Variants in PANX1 observed in about 807,000 individuals in gnomAD.
PANX1 encodes pannexin-1.
Under a neutral mutation model 38.7 loss-of-function variants are expected in PANX1, and 30 were observed. That is an observed-to-expected ratio of 0.78 (90% CI 0.58 to 1.05). The LOEUF (loss-of-function observed/expected upper bound fraction) is 1.05. Among genes scored for constraint, PANX1 ranks in the 50% least tolerant of loss-of-function variants. The pLI, the probability that PANX1 is intolerant of heterozygous loss-of-function variation, is 0.00. For synonymous variants in PANX1, 230 were observed against 212.2 expected (o/e 1.08, Z -0.73); for missense variants, 551 against 517.2 (o/e 1.07, Z -0.63).
chr11:94,179,177 C>T (rs1947273008), intron 3 of PANX1, among the ~76,000 whole-genome samples: 1 of 152,222 alleles, frequency 6.6e-6, no homozygotes, highest in Admixed American at 6.5e-5. Context: ...ACCTCCTCCT[C>T]CACTTTTATT....
Position 94,143,345 on chromosome 11 carries a change from G to T in PANX1, c.182-10146G>T, listed in dbSNP as rs1366066225. 3.3e-5 allele frequency among the ~76,000 whole-genome samples: 5 copies of T among 152,192 alleles called. No homozygotes were observed. In the South Asian group the frequency reaches 8.3e-4, roughly 25 times the overall value. On this transcript the variant is annotated intron_variant, in intron 1 of 4. Coordinates refer to ENST00000227638, the MANE Select transcript of PANX1 (RefSeq NM_015368.4). Reference sequence around the variant, plus strand: ...CTCTAGTATTGTAGAGGATAAGACAGATGGGTAAACAAATAAATATGAAAT... The same window carrying T: ...CTCTAGTATTGTAGAGGATAAGACATATGGGTAAACAAATAAATATGAAAT...
At chr11:94,171,729 ATTT>A (rs1443747159) in intron 2 of PANX1, among the ~76,000 whole-genome samples, 1 of 151,290 alleles carries the variant, frequency 6.6e-6, no homozygotes, top group Non-Finnish European at 1.5e-5. Context: ...CAATGGTGTC[ATTT>A]TTCTCCAACC....
intron 2 of PANX1, among the ~76,000 whole-genome samples, chr11:94,173,706 C>G (rs750654036): frequency 6.6e-6 from 1 of 151,604 alleles, no homozygotes; most frequent in East Asian, 1.9e-4. Flanking sequence ...TGCCTGGTCT[C>G]TCTCCTTCCC....
At chr11:94,158,099 C>G (rs1264809720) in intron 2 of PANX1, among the ~76,000 whole-genome samples, 3 of 152,114 alleles carry the variant, frequency 2.0e-5, no homozygotes, top group Non-Finnish European at 4.4e-5. Context: ...TTCCATTGAT[C>G]TATATCTCTG....
rs1467680478 is a variant in PANX1 at position 94,169,568 on chromosome 11, G to C, written c.322-8801G>C. 3.3e-5 allele frequency among the ~76,000 whole-genome samples: 5 copies of C among 151,602 alleles called. 1 individual carries two copies. The highest frequency in any genetic ancestry group is 2.1e-4 in the South Asian group (1 of 4,830). ...TTAAGATGGGGTCTTACTGCAGTAG[G>C]GTGGGCCTTTAACTCAGTATGACTG... On this transcript the variant is annotated intron_variant, in intron 2 of 4. Transcript: ENST00000227638.
At chr11:94,164,011 T>C (rs752997374) in intron 2 of PANX1, among the ~76,000 whole-genome samples, 4 of 152,178 alleles carry the variant, frequency 2.6e-5, no homozygotes, top group African/African-American at 7.2e-5. Flanking sequence ...TTGCAATTTA[T>C]TGGCATATCG....
intron 1 of PANX1, among the ~76,000 whole-genome samples, chr11:94,147,687 C>T (rs1261820706): frequency 6.6e-6 from 1 of 152,148 alleles, no homozygotes. Context: ...TTCTGAGGCC[C>T]AGCAATGTGG....
intron 2 of PANX1, among the ~76,000 whole-genome samples, chr11:94,171,080 C>T (rs1947161092): frequency 6.6e-6 from 1 of 151,644 alleles, no homozygotes; most frequent in South Asian, 2.1e-4. Flanking sequence ...CCAGTCACCC[C>T]TCATTCATTC....
At chr11:94,160,573 G>C (rs932723337) in intron 2 of PANX1, among the ~76,000 whole-genome samples, 1 of 151,808 alleles carries the variant, frequency 6.6e-6, no homozygotes, top group South Asian at 2.1e-4. Flanking sequence ...TTTTCCATTT[G>C]CTTGCTAGAT....
intron 2 of PANX1, among the ~76,000 whole-genome samples, chr11:94,163,325 G>A (rs1947069782): frequency 6.6e-6 from 1 of 152,162 alleles, no homozygotes; most frequent in Non-Finnish European, 1.5e-5. Flanking sequence ...AAGGCTTTCA[G>A]TTTTTCCCCA....
chr11:94,177,673 T>G (rs1160602285), intron 2 of PANX1, among the ~76,000 whole-genome samples: 1 of 148,282 alleles, frequency 6.7e-6, no homozygotes, highest in Admixed American at 6.7e-5. Context: ...GAATCCCCTC[T>G]TGTTTGGTGT....
intron 2 of PANX1, among the ~76,000 whole-genome samples, chr11:94,160,298 C>T (rs1007246286): frequency 2.6e-5 from 4 of 152,080 alleles, no homozygotes; most frequent in African/African-American, 4.8e-5. Flanking sequence ...CTTTCTGTCT[C>T]GTTGCTCTGT....
At chr11:94,138,058 T>C (rs549280204) in intron 1 of PANX1, among the ~76,000 whole-genome samples, 1 of 151,950 alleles carries the variant, frequency 6.6e-6, no homozygotes, top group African/African-American at 2.4e-5. Context: ...AAGATCTCAG[T>C]ATTTCAAGTG....
intron 1 of PANX1, among the ~76,000 whole-genome samples, chr11:94,152,930 A>G (rs78240442): frequency 0.018 from 2,745 of 152,222 alleles, 87 homozygotes; most frequent in African/African-American, 0.063. Context: ...AATGTAAACC[A>G]GTTGGGCTGC....
chr11:94,178,342 C>T (rs756987233), intron 2 of PANX1, 27 bp from the exon 3 acceptor site: 4 of 1,564,782 alleles, frequency 2.6e-6, no homozygotes, highest in African/African-American at 1.4e-5. Flanking sequence ...GTTTGTTAAG[C>T]CCATGATTTG....
chr11:94,159,199 T>C (rs1039038936), intron 2 of PANX1, among the ~76,000 whole-genome samples: 7 of 149,590 alleles, frequency 4.7e-5, no homozygotes, highest in African/African-American at 1.5e-4. Context: ...GGGATATTGG[T>C]CTAAAGTTCT....
At chr11:94,163,318 G>A (rs1692897263) in intron 2 of PANX1, among the ~76,000 whole-genome samples, 2 of 152,158 alleles carry the variant, frequency 1.3e-5, no homozygotes, top group Non-Finnish European at 1.5e-5. Context: ...TAGAGGAAAG[G>A]CTTTCAGTTT....
intron 2 of PANX1, among the ~76,000 whole-genome samples, chr11:94,154,436 C>T (rs945999155): frequency 2.0e-5 from 3 of 152,182 alleles, no homozygotes; most frequent in Non-Finnish European, 4.4e-5. Flanking sequence ...TTCAGCCTGT[C>T]ATTAATTTCA....
At chr11:94,160,176 T>C (rs1280027988) in intron 2 of PANX1, among the ~76,000 whole-genome samples, 1 of 152,196 alleles carries the variant, frequency 6.6e-6, no homozygotes, top group African/African-American at 2.4e-5. Flanking sequence ...ATAAGTGCAG[T>C]GTGGTGCTGA....
Sources: allele counts gnomAD v4.1 joint callset (sites outside exome capture counted in the v4.1 genomes callset), GRCh38; gene constraint gnomAD v4.1.1; transcripts MANE v1.5; gene names NCBI Gene and HGNC (gene_info 2026-07-23, HGNC 2026-07-21).